Variants in GRID2 observed in about 807,000 individuals in gnomAD.
GRID2 encodes glutamate ionotropic receptor delta type subunit 2.
Under a neutral mutation model 114.8 loss-of-function variants are expected in GRID2, and 33 were observed. The observed-to-expected ratio is 0.29, with a 90% confidence interval of 0.22 to 0.38. GRID2 has a LOEUF of 0.38. GRID2 is among the 10% of genes least tolerant of loss of function. The pLI is 1.00. For missense variants in GRID2, 1,184 were observed against 1,257.7 expected (o/e 0.94, Z 0.89); for synonymous variants, 505 against 449.9 (o/e 1.12, Z -1.55).
intron 14 of GRID2, among the ~76,000 whole-genome samples, chr4:93,725,810 G>T (rs192136497): frequency 1.3e-5 from 2 of 151,974 alleles, no homozygotes; most frequent in Admixed American, 6.6e-5. Context: ...CATGTCCTTC[G>T]CCCACTTGTT....
chr4:93,122,887 T>TG (rs1733911717), intron 4 of GRID2, among the ~76,000 whole-genome samples: 1 of 140,156 alleles, frequency 7.1e-6, no homozygotes, highest in Non-Finnish European at 1.5e-5. Flanking sequence ...TCCACAGATG[T>TG]GGGTTTTTTT....
At chr4:93,148,111 T>A (rs62308252) in intron 4 of GRID2, among the ~76,000 whole-genome samples, 7 of 152,300 alleles carry the variant, frequency 4.6e-5, no homozygotes, top group Admixed American at 3.3e-4. Context: ...GAAGCCATGA[T>A]GTGTGGCATA....
At chr4:93,242,278 CAA>C (rs1248122475) in intron 8 of GRID2, among the ~76,000 whole-genome samples, 3 of 151,882 alleles carry the variant, frequency 2.0e-5, no homozygotes, top group South Asian at 4.1e-4. Context: ...CTGTGGCAAA[CAA>C]GAGAGGTGAC....
chr4:93,213,846 A>T (rs2149478964), intron 5 of GRID2, among the ~76,000 whole-genome samples: 1 of 152,232 alleles, frequency 6.6e-6, no homozygotes, highest in Non-Finnish European at 1.5e-5. Context: ...TTCAACCGAC[A>T]TTAAATTATT....
intron 2 of GRID2, among the ~76,000 whole-genome samples, chr4:92,590,890 A>ATATTGGAATCATCATTCCTAT (rs1414367321): frequency 6.6e-6 from 1 of 152,174 alleles, no homozygotes; most frequent in Non-Finnish European, 1.5e-5. Flanking sequence ...TATTTTTAAT[A>ATATTGGAATCATCATTCCTAT]TATTGGAATC....
chr4:92,427,551 T>C (rs1321911418), intron 1 of GRID2, among the ~76,000 whole-genome samples: 1 of 152,194 alleles, frequency 6.6e-6, no homozygotes, highest in East Asian at 1.9e-4. Context: ...AGACCTTCTA[T>C]TTTGCCTTAT....
chr4:93,549,914 C>T (rs1733600694), intron 13 of GRID2, among the ~76,000 whole-genome samples: 1 of 152,130 alleles, frequency 6.6e-6, no homozygotes, highest in African/African-American at 2.4e-5. Context: ...AACTACTACT[C>T]TGCTTCTTGC....
intron 2 of GRID2, among the ~76,000 whole-genome samples, chr4:92,973,910 A>C (rs960216928): frequency 1.3e-5 from 2 of 152,174 alleles, no homozygotes. Flanking sequence ...GGCAACCTAC[A>C]GAATGGGAGA....
chr4:93,626,376 T>C lies in GRID2; in HGVS notation c.2301T>C (p.Asp767=), dbSNP rs1461396242. The part of the protein sequence containing the change: ...SFYTIGNTVA[D]RGYGIALQHG... ...ACACCATTGGAAATACTGTTGCTGA[T>C]CGGGGATATGGAATTGCATTACAAC... Residue 767 remains aspartate, a synonymous_variant, in exon 14 of 16, where the codon GAT becomes GAC. Coordinates refer to ENST00000282020, the MANE Select transcript of GRID2 (RefSeq NM_001510.4). 1.9e-6 allele frequency: 3 copies of C among 1,611,680 alleles called. No individual in the cohort carries two copies. Among genetic ancestry groups the C allele is most frequent in the Non-Finnish European group, 2.5e-6 (3 of 1,177,962 alleles).
At chr4:93,556,876 A>C (rs1020785874) in intron 13 of GRID2, among the ~76,000 whole-genome samples, 11 of 152,250 alleles carry the variant, frequency 7.2e-5, no homozygotes, top group Admixed American at 1.3e-4. Flanking sequence ...GAAGCCCATC[A>C]GACTAACAGC....
intron 1 of GRID2, among the ~76,000 whole-genome samples, chr4:92,363,363 G>T (rs1560587551): frequency 6.6e-6 from 1 of 152,018 alleles, no homozygotes; most frequent in Non-Finnish European, 1.5e-5. Context: ...GTGTCTAAAA[G>T]TATGAACTCA....
chr4:92,423,948 A>G (rs182243815), intron 1 of GRID2, among the ~76,000 whole-genome samples: 142 of 152,228 alleles, frequency 9.3e-4, no homozygotes, highest in Non-Finnish European at 1.7e-3. Context: ...AAAAGGAAGA[A>G]TTGCTCTGAA....
chr4:93,443,355 A>G (rs1470207697), intron 10 of GRID2, among the ~76,000 whole-genome samples: 1 of 152,000 alleles, frequency 6.6e-6, no homozygotes, highest in Non-Finnish European at 1.5e-5. Flanking sequence ...TAGTATGAGT[A>G]TTGCTTAGGT....
chr4:93,485,372 A>G (rs941707829), intron 11 of GRID2, among the ~76,000 whole-genome samples: 6 of 151,680 alleles, frequency 4.0e-5, no homozygotes, highest in African/African-American at 1.5e-4. Flanking sequence ...CTTTTTAACT[A>G]TGAAGTATTA....
intron 13 of GRID2, among the ~76,000 whole-genome samples, chr4:93,614,173 C>G (rs1463157240): frequency 6.6e-6 from 1 of 152,200 alleles, no homozygotes; most frequent in Non-Finnish European, 1.5e-5. Context: ...CTTCAGCTCG[C>G]GCACGGTGCG....
intron 1 of GRID2, among the ~76,000 whole-genome samples, chr4:92,337,487 G>A (rs557333562): frequency 1.3e-4 from 20 of 152,280 alleles, no homozygotes; most frequent in African/African-American, 4.3e-4. Flanking sequence ...AGAGGTAGAA[G>A]CTAAGTGTAT....
chr4:92,946,185 G>A (rs1296592459), intron 2 of GRID2, among the ~76,000 whole-genome samples: 1 of 152,002 alleles, frequency 6.6e-6, no homozygotes, highest in Non-Finnish European at 1.5e-5. Context: ...ATATGCGAAT[G>A]GATTCCATCA....
chr4:92,561,108 C>T (rs1446669434), intron 1 of GRID2, among the ~76,000 whole-genome samples: 1 of 152,168 alleles, frequency 6.6e-6, no homozygotes, highest in Non-Finnish European at 1.5e-5. Flanking sequence ...GAGTATAGCA[C>T]AGTCTTTCCC....
chr4:92,987,151 A>G (rs974904319), intron 2 of GRID2, among the ~76,000 whole-genome samples: 1 of 152,182 alleles, frequency 6.6e-6, no homozygotes, highest in Non-Finnish European at 1.5e-5. Context: ...CTCCTGGTTC[A>G]GAAAGGAAAT....
Sources: allele counts gnomAD v4.1 joint callset (sites outside exome capture counted in the v4.1 genomes callset), GRCh38; gene constraint gnomAD v4.1.1; transcripts MANE v1.5; gene names NCBI Gene and HGNC (gene_info 2026-07-23, HGNC 2026-07-21).